Variants in DCUN1D1 observed in about 807,000 individuals in gnomAD.
DCUN1D1 encodes defective in cullin neddylation 1 domain containing 1.
In DCUN1D1, 3 loss-of-function variants were observed where a neutral mutation model predicts 39.0. That is an observed-to-expected ratio of 0.08 (90% CI 0.04 to 0.20). The LOEUF is 0.20. Ranked by LOEUF, DCUN1D1 falls within the 10% of genes least tolerant of loss-of-function variation. DCUN1D1 has a pLI of 1.00. For missense variants in DCUN1D1, 158 were observed against 302.4 expected (o/e 0.52, Z 3.54); for synonymous variants, 82 against 96.3 (o/e 0.85, Z 0.87).
intron 1 of DCUN1D1, among the ~76,000 whole-genome samples, chr3:182,967,058 G>C (rs1477733618): frequency 6.6e-6 from 1 of 151,702 alleles, no homozygotes; most frequent in African/African-American, 2.4e-5. Context: ...AGTGAGCCAA[G>C]ATCACATCAT....
rs144374817 is a variant in DCUN1D1, at chr3:182,939,131, G to A, written c.*5963C>T. 2.6e-5 allele frequency: 4 copies of A among 152,250 alleles called. No individual in the cohort carries two copies. Among genetic ancestry groups the A allele is most frequent in the Non-Finnish European group, 2.9e-5 (2 of 68,022 alleles). 9.4% of individuals were successfully genotyped at this position (152,250 alleles called of 1,614,324 possible). Reference sequence around the variant, plus strand: ...ACTCACTCAAACTGCACATCCAATCGATACACGAGTTGGGATGCCTAGGTA... The same window carrying A: ...ACTCACTCAAACTGCACATCCAATCAATACACGAGTTGGGATGCCTAGGTA... On this transcript the variant is annotated 3_prime_UTR_variant, in exon 7 of 7. Transcript: ENST00000292782.
intron 2 of DCUN1D1, 95 bp from the exon 3 acceptor site, chr3:182,964,144 GACC>G: frequency 2.1e-6 from 2 of 965,724 alleles, no homozygotes; most frequent in Admixed American, 2.4e-5. Flanking sequence ...TTTTTTAAAT[GACC>G]ACAATATATG....
At chr3:182,945,382 CCAA>C (rs1488104194) in intron 6 of DCUN1D1, among the ~76,000 whole-genome samples, 5 of 152,108 alleles carry the variant, frequency 3.3e-5, no homozygotes, top group African/African-American at 9.7e-5. Flanking sequence ...ATTTATTACT[CCAA>C]CATTTGGTTG....
chr3:182,965,459 A>T, intron 2 of DCUN1D1, 78 bp downstream of exon 2: 2 of 852,848 alleles, frequency 2.3e-6, no homozygotes, highest in Non-Finnish European at 3.7e-6. Flanking sequence ...AGTTATATAT[A>T]GTATTTCATT....
intron 1 of DCUN1D1, among the ~76,000 whole-genome samples, chr3:182,966,171 C>G (rs1727658036): frequency 6.6e-6 from 1 of 152,082 alleles, no homozygotes; most frequent in Non-Finnish European, 1.5e-5. Context: ...TCTGCCCAGT[C>G]AGCAAATGCC....
chr3:182,976,355 T>C (rs1728238018), intron 1 of DCUN1D1, among the ~76,000 whole-genome samples: 1 of 151,750 alleles, frequency 6.6e-6, no homozygotes. Context: ...ATCCTTACAG[T>C]GTCCACCCAT....
Position 182,964,018 on chromosome 3 carries a change from A to G in DCUN1D1, c.252T>C (p.Asp84=). ...DPQDENKIGI[D]GIQQFCDDLA... ...GGTCATCACAGAACTGCTGTATGCC[A>G]TCTATTCCAATTTTATTCTCATCTT... Residue 84 remains aspartate (D), a synonymous_variant, in exon 3 of 7, where the codon GAT becomes GAC. Transcript: ENST00000292782. 6.2e-7 allele frequency: 1 copy of G among 1,613,304 alleles called. No homozygotes were observed. Among genetic ancestry groups the G allele is most frequent in the Non-Finnish European group, 8.5e-7 (1 of 1,179,488 alleles).
At chr3:182,949,826 G>T (rs377022273) in intron 4 of DCUN1D1, among the ~76,000 whole-genome samples, 5 of 152,136 alleles carry the variant, frequency 3.3e-5, no homozygotes, top group African/African-American at 1.2e-4. Flanking sequence ...CTTCAATGAT[G>T]GAGACTACAT....
chr3:182,953,321 T>TA (rs1393470075), intron 4 of DCUN1D1, among the ~76,000 whole-genome samples: 2 of 152,166 alleles, frequency 1.3e-5, no homozygotes, highest in Admixed American at 6.5e-5. Context: ...TACATAAGAT[T>TA]AAACAAGGAT....
At chr3:182,972,966 C>T (rs553056781) in intron 1 of DCUN1D1, among the ~76,000 whole-genome samples, 1 of 151,882 alleles carries the variant, frequency 6.6e-6, no homozygotes, top group African/African-American at 2.4e-5. Context: ...TGCTTGAACC[C>T]GGGAGGCGGA....
Position 182,943,414 on chromosome 3 carries a change from A to T in DCUN1D1, c.*1680T>A, listed in dbSNP as rs1244225532. 6.6e-6 allele frequency: 1 copy of T among 152,566 alleles called. No homozygotes were observed. The highest frequency in any genetic ancestry group is 1.5e-5 in the Non-Finnish European group (1 of 68,000). The allele number at this position is 152,566 out of a possible 1,614,324, so 9.5% of individuals were successfully genotyped here. ...GAAATTTTCAAATTTTTCTTTTGGT[A>T]AAACTGCATTCTTGAATTAAAGTTA... is the stretch of plus-strand genomic sequence containing the variant. On this transcript the variant is annotated 3_prime_UTR_variant, in exon 7 of 7. Coordinates refer to ENST00000292782, the MANE Select transcript of DCUN1D1 (RefSeq NM_020640.4).
At chr3:182,981,817 A>G (rs1728562760), upstream of DCUN1D1, among the ~76,000 whole-genome samples, 1 of 152,244 alleles carries the variant, frequency 6.6e-6, no homozygotes, top group Non-Finnish European at 1.5e-5. Flanking sequence ...GCGCTGTACC[A>G]AGGCAGGTTT....
rs1401230062 is a variant in DCUN1D1, at chr3:182,944,439, T to G, written c.*655A>C. On this transcript the variant is annotated 3_prime_UTR_variant, in exon 7 of 7. Transcript: ENST00000292782. ...CTGTGGAACCTTTTGAAATCAAGAG[T>G]CTAAAACACAATACATTTTTCAGGT... The G allele has an allele frequency of 1.3e-5, 2 of 152,122 alleles. No homozygotes were observed. The highest frequency in any genetic ancestry group is 6.6e-5 in the Admixed American group (1 of 15,246). 9.4% of individuals were successfully genotyped at this position (152,122 alleles called of 1,614,324 possible). A position where few individuals can be genotyped will look rare whatever the true frequency, so the allele number is the denominator to read the frequency against.
At chr3:182,980,090 C>T (rs926200873) in intron 1 of DCUN1D1, 3 of 927,812 alleles carry the variant, frequency 3.2e-6, no homozygotes, top group Admixed American at 6.2e-5. Context: ...AACCCCAGAC[C>T]CCAGTCCCCG....
At chr3:182,967,241 C>CA (rs1184842618) in intron 1 of DCUN1D1, among the ~76,000 whole-genome samples, 1 of 151,482 alleles carries the variant, frequency 6.6e-6, no homozygotes, top group African/African-American at 2.4e-5. Context: ...CATCAACTTC[C>CA]AGATTAGACA....
At chr3:182,947,441 A>T (rs1390255995) in intron 5 of DCUN1D1, 107 bp from the exon 6 acceptor site, 10 of 1,098,076 alleles carry the variant, frequency 9.1e-6, no homozygotes, top group Non-Finnish European at 1.2e-5. Flanking sequence ...ATGTAACAAA[A>T]TTCTGGTAAT....
intron 1 of DCUN1D1, among the ~76,000 whole-genome samples, chr3:182,973,572 G>A (rs1728059342): frequency 6.6e-6 from 1 of 152,178 alleles, no homozygotes; most frequent in African/African-American, 2.4e-5. Context: ...ACTTTGGGAG[G>A]CCAAGGCGGG....
chr3:182,969,924 A>G (rs1577192553), intron 1 of DCUN1D1, among the ~76,000 whole-genome samples: 1 of 152,324 alleles, frequency 6.6e-6, no homozygotes, highest in East Asian at 1.9e-4. Flanking sequence ...TAAATCTAGC[A>G]TATTTGCATT....
intron 2 of DCUN1D1, 148 bp downstream of exon 2, chr3:182,965,389 A>G: frequency 2.0e-6 from 1 of 492,868 alleles, no homozygotes; most frequent in Non-Finnish European, 3.6e-6. Flanking sequence ...ATTTTTCCTC[A>G]GACCTCTTGA....
Sources: allele counts gnomAD v4.1 joint callset (sites outside exome capture counted in the v4.1 genomes callset), GRCh38; gene constraint gnomAD v4.1.1; transcripts MANE v1.5; gene names NCBI Gene and HGNC (gene_info 2026-07-23, HGNC 2026-07-21).